The following SPOCK1 variants were observed in gnomAD, a reference collection of about 807,000 sequenced individuals.
The protein encoded by SPOCK1 is SPARC (osteonectin), cwcv and kazal like domains proteoglycan 1, also known as testican-1.
A neutral mutation model predicts 55.3 loss-of-function variants in SPOCK1; 23 were observed. That is an observed-to-expected ratio of 0.42 (90% confidence interval 0.30 to 0.59). SPOCK1 has a LOEUF of 0.59. Among genes scored for constraint, SPOCK1 ranks in the 20% least tolerant of loss-of-function variants. The pLI, the probability that SPOCK1 is intolerant of heterozygous loss-of-function variation, is 0.22. For synonymous variants in SPOCK1, 226 were observed against 221.0 expected (o/e 1.02, Z -0.20); for missense variants, 499 against 552.5 (o/e 0.90, Z 0.97).
intron 2 of SPOCK1, among the ~76,000 whole-genome samples, chr5:137,360,441 A>C (rs1750916685): frequency 6.6e-6 from 1 of 152,182 alleles, no homozygotes; most frequent in African/African-American, 2.4e-5. Flanking sequence ...GTGCTGCTGA[A>C]CCTTCAAAAG....
intron 3 of SPOCK1, among the ~76,000 whole-genome samples, chr5:137,263,213 G>A (rs186709049): frequency 1.0e-3 from 155 of 152,322 alleles, no homozygotes; most frequent in African/African-American, 3.5e-3. Flanking sequence ...TTTGGAAAAT[G>A]ATAGGTTAAA....
At chr5:137,379,065 C>T (rs1330773402) in intron 2 of SPOCK1, among the ~76,000 whole-genome samples, 1 of 152,054 alleles carries the variant, frequency 6.6e-6, no homozygotes, top group Non-Finnish European at 1.5e-5. Context: ...CAGTGCAACC[C>T]AAGCCACACT....
At chr5:137,218,411 C>T (rs1053730035) in intron 3 of SPOCK1, among the ~76,000 whole-genome samples, 3 of 152,212 alleles carry the variant, frequency 2.0e-5, no homozygotes, top group East Asian at 1.9e-4. Context: ...GGTTCTTGGA[C>T]ATTGCAAGTT....
At chr5:137,309,986 T>G (rs1015462441) in intron 2 of SPOCK1, among the ~76,000 whole-genome samples, 1 of 152,102 alleles carries the variant, frequency 6.6e-6, no homozygotes, top group Non-Finnish European at 1.5e-5. Flanking sequence ...CGAGGAACCT[T>G]CACTCAAAAT....
chr5:137,491,278 T>C (rs570201757), intron 2 of SPOCK1, among the ~76,000 whole-genome samples: 4 of 152,350 alleles, frequency 2.6e-5, no homozygotes, highest in South Asian at 2.1e-4. Context: ...AATCAGAGAT[T>C]GTGCTGGAAT....
chr5:137,151,281 C>A (rs985073879), intron 3 of SPOCK1, among the ~76,000 whole-genome samples: 2 of 152,112 alleles, frequency 1.3e-5, no homozygotes, highest in Non-Finnish European at 2.9e-5. Context: ...GCTTGAGCCA[C>A]CAAGCCTGGC....
intron 2 of SPOCK1, among the ~76,000 whole-genome samples, chr5:137,268,944 T>C (rs1374321627): frequency 7.5e-6 from 1 of 133,052 alleles, no homozygotes; most frequent in Non-Finnish European, 1.6e-5. Flanking sequence ...ACAGGCCACA[T>C]TCTCTTTGAT....
chr5:137,451,993 C>T (rs1023170841), intron 2 of SPOCK1, among the ~76,000 whole-genome samples: 1 of 152,148 alleles, frequency 6.6e-6, no homozygotes, highest in African/African-American at 2.4e-5. Context: ...GCATTATATA[C>T]TGACCTTGGT....
chr5:137,361,131 A>T (rs1750934674), intron 2 of SPOCK1, among the ~76,000 whole-genome samples: 1 of 152,194 alleles, frequency 6.6e-6, no homozygotes, highest in African/African-American at 2.4e-5. Context: ...GAGGATACAG[A>T]GAGAAGTTAG....
intron 5 of SPOCK1, 102 bp from the exon 6 acceptor site, chr5:137,067,931 A>G: frequency 2.2e-6 from 2 of 923,284 alleles, no homozygotes; most frequent in Non-Finnish European, 3.5e-6. Flanking sequence ...AAAAGCAAAG[A>G]CAAAGCAGGG....
intron 3 of SPOCK1, among the ~76,000 whole-genome samples, chr5:137,213,454 A>C (rs1755655652): frequency 6.6e-6 from 1 of 152,188 alleles, no homozygotes; most frequent in Non-Finnish European, 1.5e-5. Flanking sequence ...CTCTCATTTT[A>C]CGCCATCAAA....
At chr5:137,284,790 A>C (rs1219777832) in intron 2 of SPOCK1, among the ~76,000 whole-genome samples, 1 of 152,104 alleles carries the variant, frequency 6.6e-6, no homozygotes, top group Non-Finnish European at 1.5e-5. Context: ...TCTTTGGGAA[A>C]GGAGGGGTGG....
At chr5:137,478,957 C>T (rs1253681150) in intron 2 of SPOCK1, among the ~76,000 whole-genome samples, 1 of 151,930 alleles carries the variant, frequency 6.6e-6, no homozygotes, top group African/African-American at 2.4e-5. Flanking sequence ...ACCATTACTC[C>T]ACACCAGGCC....
At chr5:137,402,154 C>G (rs528774960) in intron 2 of SPOCK1, among the ~76,000 whole-genome samples, 3 of 152,262 alleles carry the variant, frequency 2.0e-5, no homozygotes, top group African/African-American at 7.2e-5. Context: ...CAAGTGCAAA[C>G]CTGTCGTGTC....
chr5:137,036,968 GGAGA>G (rs145813483), intron 6 of SPOCK1, among the ~76,000 whole-genome samples: 2 of 151,978 alleles, frequency 1.3e-5, no homozygotes, highest in East Asian at 1.9e-4. Flanking sequence ...GGCAGCCCTG[GGAGA>G]GAGAGAGAGT....
At chr5:136,992,440 A>G (rs182031008) in intron 7 of SPOCK1, 44 bp downstream of exon 7, 11 of 1,445,390 alleles carry the variant, frequency 7.6e-6, no homozygotes, top group Admixed American at 2.0e-5. Context: ...CCCTAAATCA[A>G]TGTCTAATAA....
At chr5:137,345,403 C>T (rs1468309202) in intron 2 of SPOCK1, among the ~76,000 whole-genome samples, 3 of 152,198 alleles carry the variant, frequency 2.0e-5, no homozygotes, top group African/African-American at 7.2e-5. Context: ...TCCCCAGCTG[C>T]TTGCACCTCT....
At chr5:137,064,400 T>C (rs1345107992) in intron 6 of SPOCK1, among the ~76,000 whole-genome samples, 1 of 152,160 alleles carries the variant, frequency 6.6e-6, no homozygotes, top group African/African-American at 2.4e-5. Flanking sequence ...CGTGTGTGTA[T>C]TGCCACAGTT....
At chr5:137,327,255 T>C (rs1758097858) in intron 2 of SPOCK1, among the ~76,000 whole-genome samples, 1 of 152,168 alleles carries the variant, frequency 6.6e-6, no homozygotes, top group South Asian at 2.1e-4. Context: ...GCCTTCCCCA[T>C]AGTAAGTGCC....
Sources: allele counts gnomAD v4.1 joint callset (sites outside exome capture counted in the v4.1 genomes callset), GRCh38; gene constraint gnomAD v4.1.1; transcripts MANE v1.5; gene names NCBI Gene and HGNC (gene_info 2026-07-23, HGNC 2026-07-21).